MLIP: variants seen among roughly 807,000 people sequenced by gnomAD.
MLIP encodes muscular LMNA interacting protein, also known as muscular LMNA-interacting protein.
Under a neutral mutation model 84.8 loss-of-function variants are expected in MLIP, and 79 were observed. The observed-to-expected ratio is 0.93, with a 90% CI of 0.78 to 1.12. The LOEUF (loss-of-function observed/expected upper bound fraction) is 1.12. Among genes scored for constraint, MLIP ranks in the 50% most tolerant of loss-of-function variants. The pLI, the probability that MLIP is intolerant of heterozygous loss-of-function variation, is 0.00. For synonymous variants in MLIP, 504 were observed against 463.0 expected (o/e 1.09, Z -1.14); for missense variants, 1,257 against 1,160.6 (o/e 1.08, Z -1.21).
chr6:54,026,210 G>A (rs12194304), intron 1 of MLIP, among the ~76,000 whole-genome samples: 85,115 of 151,952 alleles, frequency 0.56, 25,823 homozygotes, highest in Non-Finnish European at 0.69. Flanking sequence ...GGATTATATG[G>A]TTGATCTCTC....
chr6:54,052,154 G>A (rs892604391), intron 1 of MLIP, among the ~76,000 whole-genome samples: 2 of 152,286 alleles, frequency 1.3e-5, no homozygotes, highest in South Asian at 4.1e-4. Flanking sequence ...TGAGAACGCT[G>A]ACTTGCCTAG....
intron 1 of MLIP, among the ~76,000 whole-genome samples, chr6:54,057,293 A>G (rs1030451487): frequency 1.3e-5 from 2 of 152,178 alleles, no homozygotes; most frequent in African/African-American, 2.4e-5. Flanking sequence ...TAATTATGCA[A>G]TGTGAACTTT....
chr6:54,096,715 G>T (rs684940), intron 1 of MLIP, among the ~76,000 whole-genome samples: 56,927 of 151,986 alleles, frequency 0.37, 10,997 homozygotes, highest in African/African-American at 0.45. Context: ...CCCACCAGCT[G>T]CTCTCTCATA....
intron 11 of MLIP, chr6:54,217,763 C>A (rs1052558120): frequency 3.0e-6 from 3 of 985,032 alleles, no homozygotes; most frequent in African/African-American, 1.7e-5. Flanking sequence ...TGTTACCTAT[C>A]TCATTGATAG....
At chr6:54,116,657 C>T (rs1769947579) in intron 1 of MLIP, among the ~76,000 whole-genome samples, 1 of 152,142 alleles carries the variant, frequency 6.6e-6, no homozygotes, top group African/African-American at 2.4e-5. Context: ...TGAATCCTAC[C>T]AAACATTTAA....
At chr6:54,082,319 A>G (rs1767211316) in intron 1 of MLIP, among the ~76,000 whole-genome samples, 1 of 152,086 alleles carries the variant, frequency 6.6e-6, no homozygotes, top group African/African-American at 2.4e-5. Context: ...CATGTACACG[A>G]TTTCTTGGGC....
chr6:54,174,769 A>T (rs567433983), intron 9 of MLIP, among the ~76,000 whole-genome samples: 93 of 151,734 alleles, frequency 6.1e-4, no homozygotes, highest in African/African-American at 2.2e-3. Context: ...CCATTTGTCC[A>T]TTTTTGCTTT....
intron 8 of MLIP, among the ~76,000 whole-genome samples, chr6:54,164,051 C>G (rs1471616972): frequency 2.0e-5 from 3 of 151,930 alleles, no homozygotes; most frequent in Admixed American, 2.0e-4. Context: ...ATAGAGTGAT[C>G]ATTTACAGAA....
chr6:54,137,165 G>C lies in MLIP; in HGVS notation c.1096G>C (p.Val366Leu). The change falls in exon 4 of 14, where the codon GTC (valine) becomes CTC (leucine). Residue 366 changes from valine to leucine, a missense_variant. Coordinates refer to ENST00000502396, the MANE Select transcript of MLIP (RefSeq NM_001281747.2). ...GTCGAATTCGGCCTCGTACATACCA[G>C]TCCGCATTGTCACGCATTCACTCTC... ...LKSNSASYIP[V>L]RIVTHSLSPS... The C allele has an allele frequency of 2.6e-6, 4 of 1,535,980 alleles. No individual in the cohort carries two copies. Among genetic ancestry groups the C allele is most frequent in the Non-Finnish European group, 3.5e-6 (4 of 1,146,858 alleles).
chr6:54,078,882 G>T (rs1766967171), intron 1 of MLIP, among the ~76,000 whole-genome samples: 1 of 151,754 alleles, frequency 6.6e-6, no homozygotes, highest in Non-Finnish European at 1.5e-5. Context: ...GTAGAGATGG[G>T]GTTTCACCAC....
chr6:54,056,707 C>A (rs1272878050), intron 1 of MLIP, among the ~76,000 whole-genome samples: 1 of 152,144 alleles, frequency 6.6e-6, no homozygotes, highest in East Asian at 1.9e-4. Flanking sequence ...CAGCTATTAT[C>A]CACATCGATG....
chr6:54,162,303 A>G (rs981924571), intron 8 of MLIP, among the ~76,000 whole-genome samples: 8 of 152,002 alleles, frequency 5.3e-5, no homozygotes, highest in Non-Finnish European at 1.2e-4. Flanking sequence ...AAATTTCCTG[A>G]AGCATGAAAG....
chr6:54,182,280 T>C (rs903562435), intron 9 of MLIP, among the ~76,000 whole-genome samples: 1 of 152,210 alleles, frequency 6.6e-6, no homozygotes, highest in African/African-American at 2.4e-5. Flanking sequence ...AGTTTTGCTT[T>C]CTGCTGTTAC....
Position 54,054,542 on chromosome 6 carries a change from C to T in MLIP, c.63+35451C>T, listed in dbSNP as rs528390149. On this transcript the variant is annotated intron_variant, in intron 1 of 12. Coordinates refer to the MLIP transcript ENST00000274897. ...CAGAAACATACATTTTTGCAATTCACTGAATTTTCACTCTGTTCCTATCCA... is the reference window on the plus strand; with the variant it reads ...CAGAAACATACATTTTTGCAATTCATTGAATTTTCACTCTGTTCCTATCCA... Among the ~76,000 whole-genome samples, 3 of 151,944 alleles carry T rather than the reference C, an allele frequency of 2.0e-5. No homozygotes were observed. The East Asian group carries it at 5.8e-4, about 29-fold the overall frequency.
chr6:54,254,742 C>CCCTTCCTTCCTTCCTT (rs372950271), intron 12 of MLIP, among the ~76,000 whole-genome samples: 41 of 125,104 alleles, frequency 3.3e-4, no homozygotes, highest in Admixed American at 5.0e-4. Flanking sequence ...TTTTCTCCCT[C>CCCTTCCTTCCTTCCTT]CCTTCCTTCC....
intron 1 of MLIP, among the ~76,000 whole-genome samples, chr6:54,096,708 A>C (rs1768240074): frequency 6.6e-6 from 1 of 151,778 alleles, no homozygotes; most frequent in South Asian, 2.1e-4. Flanking sequence ...CTTACTTCCC[A>C]CCAGCTGCTC....
In MLIP at chr6:54,228,658, A is replaced by T. The variant is rs147234343; in HGVS notation, c.2719-2056A>T. On this transcript the variant is annotated intron_variant, in intron 11 of 13. Coordinates refer to ENST00000502396, the MANE Select transcript of MLIP (RefSeq NM_001281747.2). ...TGATTGGATAGAACTTGATTCCGCC[A>T]GATAAGCGCATTTGGTGAATTCGTT... is the stretch of plus-strand genomic sequence containing the variant. Among the ~76,000 whole-genome samples, 79 of 152,366 alleles carry T rather than the reference A, an allele frequency of 5.2e-4. No homozygotes were observed. The East Asian group carries it at 0.014, about 27-fold the overall frequency.
chr6:54,103,117 G>A (rs1768773552), intron 1 of MLIP, among the ~76,000 whole-genome samples: 1 of 152,042 alleles, frequency 6.6e-6, no homozygotes, highest in African/African-American at 2.4e-5. Context: ...TCAAAGCAGA[G>A]GGAGAAGCAT....
intron 3 of MLIP, among the ~76,000 whole-genome samples, chr6:54,126,781 T>G (rs1770956659): frequency 6.6e-6 from 1 of 152,152 alleles, no homozygotes; most frequent in South Asian, 2.1e-4. Flanking sequence ...AATATCAAAT[T>G]TTTAATCAGA....
Sources: allele counts gnomAD v4.1 joint callset (sites outside exome capture counted in the v4.1 genomes callset), GRCh38; gene constraint gnomAD v4.1.1; transcripts MANE v1.5; gene names NCBI Gene and HGNC (gene_info 2026-07-23, HGNC 2026-07-21).